Variants in HDAC9 observed in about 807,000 individuals in gnomAD.
The protein encoded by HDAC9 is histone deacetylase 9, also known as MEF-2 interacting transcription repressor (MITR) protein.
Under a neutral mutation model 139.4 loss-of-function variants are expected in HDAC9, and 41 were observed. The ratio of observed to expected loss-of-function variants is 0.29; its 90% CI spans 0.23 to 0.38. The LOEUF (loss-of-function observed/expected upper bound fraction) is 0.38. HDAC9 is among the 10% of genes least tolerant of loss of function. The pLI is 1.00. For synonymous variants in HDAC9, 517 were observed against 476.2 expected (o/e 1.09, Z -1.12); for missense variants, 1,147 against 1,297.0 (o/e 0.88, Z 1.78).
intron 1 of HDAC9, among the ~76,000 whole-genome samples, chr7:18,114,886 GC>G (rs892020883): frequency 6.6e-6 from 1 of 152,184 alleles, no homozygotes; most frequent in African/African-American, 2.4e-5. Context: ...AAATATGTTA[GC>G]CTCTTCGCAG....
At chr7:18,441,735 A>G (rs181865517) in intron 1 of HDAC9, among the ~76,000 whole-genome samples, 28 of 151,534 alleles carry the variant, frequency 1.8e-4, no homozygotes, top group African/African-American at 6.3e-4. Context: ...AGAAAGGGAC[A>G]TATATATATA....
chr7:18,379,960 G>C (rs900892182), intron 1 of HDAC9, among the ~76,000 whole-genome samples: 3 of 152,156 alleles, frequency 2.0e-5, no homozygotes, highest in African/African-American at 7.2e-5. Flanking sequence ...CTAAGTCAGG[G>C]CAGAATCGCT....
chr7:18,797,689 T>C (rs1041974465), intron 17 of HDAC9, among the ~76,000 whole-genome samples: 2 of 151,664 alleles, frequency 1.3e-5, no homozygotes, highest in Non-Finnish European at 2.9e-5. Context: ...ATTAGCCAGG[T>C]GTGTTGGCAG....
intron 12 of HDAC9, among the ~76,000 whole-genome samples, chr7:18,689,313 G>A (rs1360256388): frequency 1.3e-5 from 2 of 151,390 alleles, no homozygotes; most frequent in African/African-American, 4.9e-5. Flanking sequence ...GAGATTTTAG[G>A]TACTACAGCC....
At chr7:18,813,022 G>A (rs1326148970) in intron 17 of HDAC9, among the ~76,000 whole-genome samples, 1 of 151,902 alleles carries the variant, frequency 6.6e-6, no homozygotes, top group Non-Finnish European at 1.5e-5. Flanking sequence ...GTTCTCTTTT[G>A]AAATTGTCAC....
At chr7:18,340,396 A>C (rs1276032016) in intron 1 of HDAC9, among the ~76,000 whole-genome samples, 1 of 151,190 alleles carries the variant, frequency 6.6e-6, no homozygotes, top group African/African-American at 2.4e-5. Flanking sequence ...TAAATCTACT[A>C]TTTTGCTACT....
At chr7:18,993,948 G>A (rs1198937443) in intron 25 of HDAC9, among the ~76,000 whole-genome samples, 2 of 152,188 alleles carry the variant, frequency 1.3e-5, no homozygotes, top group African/African-American at 4.8e-5. Flanking sequence ...GAGAGGAAAA[G>A]GCAGAGAAGC....
chr7:18,879,907 A>G (rs563398934), intron 22 of HDAC9, among the ~76,000 whole-genome samples: 1 of 152,154 alleles, frequency 6.6e-6, no homozygotes, highest in Non-Finnish European at 1.5e-5. Context: ...TTTGCAAACT[A>G]TGCATCTGAC....
At chr7:18,400,084 T>C (rs1939822861) in intron 1 of HDAC9, among the ~76,000 whole-genome samples, 1 of 152,186 alleles carries the variant, frequency 6.6e-6, no homozygotes, top group Non-Finnish European at 1.5e-5. Flanking sequence ...CTTTCTTTTA[T>C]GATTTCTATT....
At chr7:18,918,346 G>A (rs1803395294) in intron 22 of HDAC9, among the ~76,000 whole-genome samples, 1 of 151,690 alleles carries the variant, frequency 6.6e-6, no homozygotes, top group Admixed American at 6.6e-5. Flanking sequence ...GGGGGATGGA[G>A]GGGAAAGGGG....
intron 2 of HDAC9, among the ~76,000 whole-genome samples, chr7:18,262,174 C>T (rs1385614998): frequency 6.6e-6 from 1 of 152,146 alleles, no homozygotes; most frequent in Non-Finnish European, 1.5e-5. Context: ...GCAAAGTTTA[C>T]ATATTTAAAC....
Position 18,525,265 on chromosome 7 carries a change from G to C in HDAC9, c.22+28941G>C, listed in dbSNP as rs1198580457. On this transcript the variant is annotated intron_variant, in intron 2 of 25. Coordinates refer to ENST00000686413, the MANE Select transcript of HDAC9 (RefSeq NM_178425.4). ...TGGATAGAGACCAGATATAACACTAGAACAAATAATATTGGCGACTTAAAA... is the reference window on the plus strand; with the variant it reads ...TGGATAGAGACCAGATATAACACTACAACAAATAATATTGGCGACTTAAAA... 4.0e-5 allele frequency among the ~76,000 whole-genome samples: 6 copies of C among 151,670 alleles called. No individual in the cohort carries two copies. In the East Asian group the frequency reaches 1.2e-3, roughly 29 times the overall value.
At chr7:18,534,568 A>G in intron 2 of HDAC9, among the ~76,000 whole-genome samples, 1 of 152,116 alleles carries the variant, frequency 6.6e-6, no homozygotes, top group African/African-American at 2.4e-5. Flanking sequence ...AGAGAGAGAG[A>G]GAAAAAGAGA....
chr7:18,098,773 G>T (rs561536187), intron 1 of HDAC9, among the ~76,000 whole-genome samples: 1 of 152,112 alleles, frequency 6.6e-6, no homozygotes, highest in Non-Finnish European at 1.5e-5. Context: ...GAGTGGACTT[G>T]TAGATGTGCT....
intron 1 of HDAC9, among the ~76,000 whole-genome samples, chr7:18,129,052 C>G (rs903134810): frequency 6.6e-6 from 1 of 152,124 alleles, no homozygotes; most frequent in African/African-American, 2.4e-5. Flanking sequence ...GCCCCTAATC[C>G]TTTCAAATAT....
intron 1 of HDAC9, among the ~76,000 whole-genome samples, chr7:18,458,666 T>C (rs930265868): frequency 6.6e-6 from 1 of 152,254 alleles, no homozygotes; most frequent in Admixed American, 6.5e-5. Flanking sequence ...AATATCTTGC[T>C]ATCAAAACTT....
chr7:18,241,173 C>G (rs535707727), intron 2 of HDAC9, among the ~76,000 whole-genome samples: 25 of 152,294 alleles, frequency 1.6e-4, no homozygotes, highest in African/African-American at 6.0e-4. Context: ...TTAAGTTACA[C>G]TGCTGTTTAT....
chr7:18,896,237 A>G (rs2129275500), intron 22 of HDAC9, among the ~76,000 whole-genome samples: 1 of 152,238 alleles, frequency 6.6e-6, no homozygotes, highest in South Asian at 2.1e-4. Flanking sequence ...AAAATATAGA[A>G]ATATTTCTGC....
At chr7:18,790,822 G>A (rs1483001777) in intron 16 of HDAC9, among the ~76,000 whole-genome samples, 1 of 152,086 alleles carries the variant, frequency 6.6e-6, no homozygotes, top group Non-Finnish European at 1.5e-5. Flanking sequence ...CTAAACATTG[G>A]TTATGAGTCA....
Sources: allele counts gnomAD v4.1 joint callset (sites outside exome capture counted in the v4.1 genomes callset), GRCh38; gene constraint gnomAD v4.1.1; transcripts MANE v1.5; gene names NCBI Gene and HGNC (gene_info 2026-07-23, HGNC 2026-07-21).